The following USP22 variants were observed in gnomAD, a reference collection of about 807,000 sequenced individuals.
USP22 encodes ubiquitin specific peptidase 22.
USP22 carries 22 observed loss-of-function variants against 68.1 expected under a neutral mutation model. That is an observed-to-expected ratio of 0.32 (90% CI 0.23 to 0.46). The LOEUF is 0.46. Among genes scored for constraint, USP22 ranks in the 20% least tolerant of loss-of-function variants. The pLI, the probability that USP22 is intolerant of heterozygous loss-of-function variation, is 1.00. For synonymous variants in USP22, 279 were observed against 274.2 expected, an observed-to-expected ratio of 1.02 and a Z score of -0.17; for missense variants, 433 against 695.8, an observed-to-expected ratio of 0.62 and a Z score of 4.25.
chr17:21,003,225 G>T (rs1913653290), intron 12 of USP22, 152 bp from the exon 13 acceptor site: 2 of 862,212 alleles, frequency 2.3e-6, no homozygotes, highest in Admixed American at 2.1e-5. Flanking sequence ...CCGCAAGGAG[G>T]AAAGAGTGCT....
rs1021026928 is a variant in USP22, at chr17:21,042,858, G to A, written c.-23C>T. On this transcript the variant is annotated 5_prime_UTR_variant, in exon 1 of 13. Coordinates refer to ENST00000261497, the MANE Select transcript of USP22 (RefSeq NM_015276.2). ...CATGGGGGGCAAGGCCCGGCCGCGC[G>A]CGGGGGGCGGCGGCGAGGGAGGCGA... 11 of 1,241,138 alleles carry A rather than the reference G, an allele frequency of 8.9e-6. No individual in the cohort carries two copies. The highest frequency in any genetic ancestry group is 1.1e-5 in the Non-Finnish European group (11 of 991,108). 76.9% of individuals were successfully genotyped at this position (1,241,138 alleles called of 1,614,324 possible).
intron 7 of USP22, 48 bp from the exon 8 acceptor site, chr17:21,011,357 G>C: frequency 1.3e-6 from 2 of 1,548,700 alleles, no homozygotes; most frequent in Non-Finnish European, 1.7e-6. Flanking sequence ...CACCCACCCA[G>C]CTCCAGAGGC....
chr17:21,024,210 T>C (rs566495861), intron 2 of USP22, among the ~76,000 whole-genome samples: 1 of 150,934 alleles, frequency 6.6e-6, no homozygotes, highest in African/African-American at 2.5e-5. Flanking sequence ...AGAGAAATCC[T>C]GACAGAGACA....
Position 21,018,862 on chromosome 17 carries a change from C to T in USP22, c.520+222G>A, listed in dbSNP as rs144708180. Among the ~76,000 whole-genome samples the T allele has an allele frequency of 2.0e-3, 299 of 152,348 alleles. 7 individuals carry two copies. The East Asian group carries it at 0.045, about 23-fold the overall frequency. On this transcript the variant is annotated intron_variant, in intron 4 of 12. Transcript: ENST00000261497. ...CCTTTACCCACACAGACGCTGAAGGCTGTGAGGGCAGGGCTGTTGCTACGC... is the reference window on the plus strand; with the variant it reads ...CCTTTACCCACACAGACGCTGAAGGTTGTGAGGGCAGGGCTGTTGCTACGC...
intron 12 of USP22, among the ~76,000 whole-genome samples, chr17:21,003,929 G>A (rs1913685807): frequency 6.7e-6 from 1 of 149,076 alleles, no homozygotes; most frequent in African/African-American, 2.5e-5. Context: ...AAAAAGAACT[G>A]ATGTGTTCAG....
intron 2 of USP22, among the ~76,000 whole-genome samples, chr17:21,022,944 G>GGT (rs1428342170): frequency 1.6e-4 from 25 of 152,292 alleles, no homozygotes; most frequent in Admixed American, 4.6e-4. Flanking sequence ...GCTCACCAAT[G>GGT]GTGGACTGGA....
chr17:21,003,189 C>A, intron 12 of USP22, 116 bp from the exon 13 acceptor site: 1 of 1,274,022 alleles, frequency 7.8e-7, no homozygotes. Context: ...CGGCCAGGCC[C>A]GAGTTGATGG....
At chr17:21,019,452 G>C (rs1972127032) in intron 3 of USP22, among the ~76,000 whole-genome samples, 1 of 152,228 alleles carries the variant, frequency 6.6e-6, no homozygotes, top group Non-Finnish European at 1.5e-5. Flanking sequence ...CAACGCCAAT[G>C]CCAAAACAGT....
Position 21,014,211 on chromosome 17 carries a change from C to G in USP22, c.839-1276G>C, listed in dbSNP as rs1047783551. On this transcript the variant is annotated intron_variant, in intron 6 of 12. Transcript: ENST00000261497. The stretch of plus-strand genomic sequence containing the variant: ...GCAACCAGGTTTCTAAACAGAAGAA[C>G]CTTACATTTCTTTTCAGACATTTCC... Among the ~76,000 whole-genome samples the G allele has an allele frequency of 2.0e-5, 3 of 152,264 alleles. No individual in the cohort carries two copies. The East Asian group carries it at 5.8e-4, about 29-fold the overall frequency.
At chr17:21,032,896 C>G (rs1387029109) in intron 1 of USP22, among the ~76,000 whole-genome samples, 1 of 135,460 alleles carries the variant, frequency 7.4e-6, no homozygotes, top group Non-Finnish European at 1.5e-5. Context: ...GCCCTCTAGC[C>G]TGAGCAACAG....
At position 21,000,615 on chromosome 17, in the gene USP22, G is replaced by T. The variant is rs1913532748; in HGVS notation, c.*2416C>A. 1 of 152,236 alleles carries T rather than the reference G, an allele frequency of 6.6e-6. No homozygotes were observed. The highest frequency in any genetic ancestry group is 6.5e-5 in the Admixed American group (1 of 15,280). The allele number at this position is 152,236 out of a possible 1,614,324, so 9.4% of individuals were successfully genotyped here. The stretch of plus-strand genomic sequence containing the variant: ...GGAGGCAGGGTCTGGCCAAACCCAG[G>T]CAGCTGCCAGAAAGCCTTCTGCACT... On this transcript the variant is annotated 3_prime_UTR_variant, in exon 13 of 13. Transcript: ENST00000261497.
chr17:21,038,352 C>A (rs7215921), intron 1 of USP22, among the ~76,000 whole-genome samples: 1 of 152,106 alleles, frequency 6.6e-6, no homozygotes, highest in Non-Finnish European at 1.5e-5. Flanking sequence ...CAGCACCTGG[C>A]TGAGCCAGTA....
chr17:21,024,891 C>T (rs1972201666), intron 2 of USP22, among the ~76,000 whole-genome samples: 1 of 152,156 alleles, frequency 6.6e-6, no homozygotes, highest in South Asian at 2.1e-4. Flanking sequence ...ATCACTTCAG[C>T]TTGGGAGGTT....
intron 6 of USP22, among the ~76,000 whole-genome samples, chr17:21,013,923 A>C (rs1413752300): frequency 6.6e-6 from 1 of 152,170 alleles, no homozygotes; most frequent in Admixed American, 6.5e-5. Context: ...AAATACAAAA[A>C]ATTAGCTGGG....
At chr17:21,026,763 A>G (rs1972225328) in intron 2 of USP22, among the ~76,000 whole-genome samples, 1 of 151,794 alleles carries the variant, frequency 6.6e-6, no homozygotes. Flanking sequence ...CCAGGAGTTC[A>G]AGACTAGCCT....
chr17:21,021,372 C>T (rs1972154497), intron 2 of USP22, 146 bp from the exon 3 acceptor site: 5 of 629,246 alleles, frequency 7.9e-6, no homozygotes, highest in African/African-American at 3.6e-5. Flanking sequence ...GCCAGTCCAG[C>T]GGAGTCTCCT....
At position 21,002,415 on chromosome 17, in the gene USP22, A is replaced by C. The variant is rs537187869; in HGVS notation, c.*616T>G. 6.6e-6 allele frequency: 1 copy of C among 152,452 alleles called. No homozygotes were observed. Among genetic ancestry groups the C allele is most frequent in the Admixed American group, 6.5e-5 (1 of 15,306 alleles). The allele number at this position is 152,452 out of a possible 1,614,324, so 9.4% of individuals were successfully genotyped here. ...ATGCCTGTTTCTAGAAAACCGCGAG[A>C]TGCTTCCACGTGCAGCTTGATGCTG... On this transcript the variant is annotated 3_prime_UTR_variant, in exon 13 of 13. Coordinates refer to ENST00000261497, the MANE Select transcript of USP22 (RefSeq NM_015276.2).
rs1219856104 is a variant in USP22, at chr17:21,002,457, C to G, written c.*574G>C. The G allele has an allele frequency of 6.5e-6, 1 of 152,980 alleles. No homozygotes were observed. Among genetic ancestry groups the G allele is most frequent in the East Asian group, 1.9e-4 (1 of 5,202 alleles). 9.5% of individuals were successfully genotyped at this position (152,980 alleles called of 1,614,324 possible). A position where few individuals can be genotyped will look rare whatever the true frequency, so the allele number is the denominator to read the frequency against. On this transcript the variant is annotated 3_prime_UTR_variant, in exon 13 of 13. Coordinates refer to ENST00000261497, the MANE Select transcript of USP22 (RefSeq NM_015276.2). ...TTGATGCTGTTACCTGCAGAACAGACACGCTTGAAAACGCGACGTAGTGTC... is the reference window on the plus strand; with the variant it reads ...TTGATGCTGTTACCTGCAGAACAGAGACGCTTGAAAACGCGACGTAGTGTC...
intron 1 of USP22, 132 bp from the exon 2 acceptor site, chr17:21,028,806 A>C: frequency 8.6e-7 from 1 of 1,169,106 alleles, no homozygotes; most frequent in Non-Finnish European, 1.2e-6. Context: ...TTCAAGGCTT[A>C]CTACTCTAGA....
Sources: allele counts gnomAD v4.1 joint callset (sites outside exome capture counted in the v4.1 genomes callset), GRCh38; gene constraint gnomAD v4.1.1; transcripts MANE v1.5; gene names NCBI Gene and HGNC (gene_info 2026-07-23, HGNC 2026-07-21).